The following RNF220 variants were observed in gnomAD, a reference collection of about 807,000 sequenced individuals.
The protein encoded by RNF220 is ring finger protein 220, also known as E3 ubiquitin-protein ligase RNF220.
RNF220 carries 7 observed loss-of-function variants against 67.1 expected under a neutral mutation model. That is an observed-to-expected ratio of 0.10 (90% confidence interval 0.06 to 0.20). RNF220 has a LOEUF of 0.20. RNF220 is among the 10% of genes least tolerant of loss of function. RNF220 has a pLI of 1.00. For missense variants in RNF220, 565 were observed against 740.3 expected (o/e 0.76, Z 2.75); for synonymous variants, 270 against 283.2 (o/e 0.95, Z 0.47).
In RNF220 at chr1:44,606,115, C is replaced by T. The variant is rs900287254; in HGVS notation, c.626-8050C>T. On this transcript the variant is annotated intron_variant, in intron 2 of 14. Transcript: ENST00000361799. The surrounding 1 kb of genome is among the most constrained non-coding windows in gnomAD (Gnocchi z 4.2). Reference sequence around the variant, plus strand: ...CATCATACATTCAAATCCGCTGCCCCGCCCCAGCGGGAGGCCCCAGCCAGA... The same window carrying T: ...CATCATACATTCAAATCCGCTGCCCTGCCCCAGCGGGAGGCCCCAGCCAGA... 2.0e-5 allele frequency among the ~76,000 whole-genome samples: 3 copies of T among 152,246 alleles called. No homozygotes were observed. The highest frequency in any genetic ancestry group is 6.5e-5 in the Admixed American group (1 of 15,290).
rs1357464162 is a variant in RNF220 at position 44,649,380 on chromosome 1, G to A, written c.1446-281G>A. ...AGATGCCGGAGATACTAGGAGAGAT[G>A]ACAGATTTGGGTGGTTGGGAAGACT... On this transcript the variant is annotated intron_variant, in intron 12 of 14. Coordinates refer to ENST00000361799, the MANE Select transcript of RNF220 (RefSeq NM_018150.4). This position sits in a 1 kb window ranked among gnomAD's most constrained non-coding sequence, Gnocchi z 5.9. 4.1e-6 allele frequency: 2 copies of A among 492,934 alleles called. No individual in the cohort carries two copies. The highest frequency in any genetic ancestry group is 6.9e-5 in the Admixed American group (2 of 28,946). 30.5% of individuals were successfully genotyped at this position (492,934 alleles called of 1,614,324 possible).
At chr1:44,445,944 A>G (rs1228358854) in intron 2 of RNF220, among the ~76,000 whole-genome samples, 3 of 152,226 alleles carry the variant, frequency 2.0e-5, no homozygotes, top group Non-Finnish European at 4.4e-5. Context: ...AAATAGTAGT[A>G]ATTGTTATTA....
chr1:44,651,105 GGACA>G lies in RNF220; in HGVS notation c.*339_*342del, dbSNP rs910232871. On this transcript the variant is annotated 3_prime_UTR_variant, in exon 15 of 15. Coordinates refer to ENST00000361799, the MANE Select transcript of RNF220 (RefSeq NM_018150.4). ...AGATCCAGCCCCCATACTGACAGAC[GGACA>G]GACAGACATGCAAACACCAGACTGA... 11 of 399,390 alleles carry G rather than the reference GGACA, an allele frequency of 2.8e-5. No individual in the cohort carries two copies. Among genetic ancestry groups the G allele is most frequent in the South Asian group, 7.2e-5 (3 of 41,652 alleles). 24.7% of individuals were successfully genotyped at this position (399,390 alleles called of 1,614,324 possible).
At chr1:44,573,756 C>T (rs944341203) in intron 2 of RNF220, among the ~76,000 whole-genome samples, 1 of 152,188 alleles carries the variant, frequency 6.6e-6, no homozygotes, top group Non-Finnish European at 1.5e-5. Context: ...CATCATCTAA[C>T]CCTTGCTTAC....
chr1:44,443,936 C>A (rs1651815857), intron 2 of RNF220, among the ~76,000 whole-genome samples: 3 of 152,124 alleles, frequency 2.0e-5, no homozygotes, highest in South Asian at 4.1e-4. Flanking sequence ...ACTAAAAATA[C>A]AAAAATTAGC....
Position 44,622,603 on chromosome 1 carries a change from G to A in RNF220, c.759-139G>A. The A allele has an allele frequency of 1.4e-6, 1 of 699,358 alleles. No individual in the cohort carries two copies. The highest frequency in any genetic ancestry group is 2.5e-6 in the Non-Finnish European group (1 of 396,426). The allele number at this position is 699,358 out of a possible 1,614,324, so 43.3% of individuals were successfully genotyped here. A position where few individuals can be genotyped will look rare whatever the true frequency, so the allele number is the denominator to read the frequency against. On this transcript the variant is annotated intron_variant, in intron 3 of 14. Coordinates refer to ENST00000361799, the MANE Select transcript of RNF220 (RefSeq NM_018150.4). The surrounding 1 kb of genome is among the most constrained non-coding windows in gnomAD (Gnocchi z 4.3). ...GAGGCTGGGCCACTGGGATTGAAAGGACTGGGTGGAGCTTGGCTGAGCTGG... is the reference window on the plus strand; with the variant it reads ...GAGGCTGGGCCACTGGGATTGAAAGAACTGGGTGGAGCTTGGCTGAGCTGG...
chr1:44,422,579 G>A (rs913817602), intron 2 of RNF220, among the ~76,000 whole-genome samples: 7 of 152,156 alleles, frequency 4.6e-5, no homozygotes, highest in African/African-American at 1.7e-4. Flanking sequence ...TTTATTTAAA[G>A]TGAGTGCCTG....
chr1:44,517,714 AG>A (rs932001249), intron 2 of RNF220, among the ~76,000 whole-genome samples: 3 of 152,248 alleles, frequency 2.0e-5, no homozygotes, highest in Non-Finnish European at 4.4e-5. Context: ...CTGAGTAGAG[AG>A]TAAGCACTTA....
intron 2 of RNF220, among the ~76,000 whole-genome samples, chr1:44,480,940 C>T (rs1212151257): frequency 1.3e-5 from 2 of 152,088 alleles, no homozygotes; most frequent in Non-Finnish European, 2.9e-5. Context: ...GTCAAATGCT[C>T]CTGGGAGATC....
intron 2 of RNF220, among the ~76,000 whole-genome samples, chr1:44,605,900 G>A (rs978399456): frequency 4.6e-5 from 7 of 152,120 alleles, no homozygotes; most frequent in Admixed American, 2.0e-4. Context: ...CACGGGCACC[G>A]GCCACTACCC....
chr1:44,517,691 A>G (rs1659564382), intron 2 of RNF220, among the ~76,000 whole-genome samples: 1 of 152,238 alleles, frequency 6.6e-6, no homozygotes, highest in Non-Finnish European at 1.5e-5. Context: ...AGTCATCAAC[A>G]CTGTGCACAG....
intron 2 of RNF220, among the ~76,000 whole-genome samples, chr1:44,497,188 G>A (rs1470738608): frequency 2.6e-5 from 4 of 151,984 alleles, no homozygotes; most frequent in Non-Finnish European, 4.4e-5. Flanking sequence ...ATCTCTAGAG[G>A]TCCCGTTAAA....
At chr1:44,629,382 T>C (rs144561121) in intron 5 of RNF220, among the ~76,000 whole-genome samples, 89 of 152,384 alleles carry the variant, frequency 5.8e-4, no homozygotes, top group African/African-American at 1.7e-3. Flanking sequence ...TCCACTAGAC[T>C]TGGAGTTTCT....
At chr1:44,439,205 T>C (rs1651305096) in intron 2 of RNF220, among the ~76,000 whole-genome samples, 1 of 152,264 alleles carries the variant, frequency 6.6e-6, no homozygotes, top group South Asian at 2.1e-4. Flanking sequence ...TATGCTGTTA[T>C]CAACACATTA....
rs79726286 is a variant in RNF220 at position 44,421,710 on chromosome 1, G to A, written c.625+8988G>A. On this transcript the variant is annotated intron_variant, in intron 2 of 14. Coordinates refer to ENST00000361799, the MANE Select transcript of RNF220 (RefSeq NM_018150.4). The stretch of plus-strand genomic sequence containing the variant: ...AAGAGGGCTGTCCATTACCCTGAAC[G>A]CACAAATAAACTCAGTGTTTTTCTC... Among the ~76,000 whole-genome samples the A allele has an allele frequency of 3.3e-3, 500 of 152,130 alleles. 5 individuals are homozygous for A. Among genetic ancestry groups the A allele is most frequent in the African/African-American group, 0.012 (483 of 41,496 alleles).
intron 8 of RNF220, among the ~76,000 whole-genome samples, chr1:44,640,612 C>G (rs1343298553): frequency 1.3e-5 from 2 of 152,182 alleles, no homozygotes; most frequent in Admixed American, 1.3e-4. Flanking sequence ...CGAGGAGGCC[C>G]GGAAAGTGGC....
chr1:44,519,652 C>T lies in RNF220; in HGVS notation c.626-94513C>T, dbSNP rs1052186749. 1.6e-4 allele frequency among the ~76,000 whole-genome samples: 25 copies of T among 152,192 alleles called. No individual in the cohort carries two copies. In the East Asian group the frequency reaches 3.7e-3, roughly 22 times the overall value. On this transcript the variant is annotated intron_variant, in intron 2 of 14. Transcript: ENST00000361799. ...CCAGTGTCGAGCTCAAGGTGCTCCA[C>T]GGACAGTAGTAAGCGGCCCAAGTTG...
chr1:44,601,412 ATGGGAAAGACG>A (rs923526568), intron 2 of RNF220, among the ~76,000 whole-genome samples: 2 of 152,200 alleles, frequency 1.3e-5, no homozygotes, highest in Non-Finnish European at 2.9e-5. Context: ...TTGCTGTAAT[ATGGGAAAGACG>A]TGGGAGTTGA....
intron 2 of RNF220, among the ~76,000 whole-genome samples, chr1:44,554,801 AC>A (rs1662940232): frequency 1.3e-5 from 2 of 151,800 alleles, no homozygotes; most frequent in African/African-American, 2.4e-5. Flanking sequence ...TTCACCACCC[AC>A]CTTTTCACTC....
Sources: allele counts gnomAD v4.1 joint callset (sites outside exome capture counted in the v4.1 genomes callset), GRCh38; gene constraint gnomAD v4.1.1; non-coding constraint Gnocchi (gnomAD v3.1); transcripts MANE v1.5; gene names NCBI Gene and HGNC (gene_info 2026-07-23, HGNC 2026-07-21).